The following XXYLT1 variants were observed in gnomAD, a reference collection of about 807,000 sequenced individuals.
XXYLT1 encodes UDP-xylose:alpha-xyloside alpha-1,3-xylosyltransferase.
Under a neutral mutation model 28.9 loss-of-function variants are expected in XXYLT1, and 20 were observed. The ratio of observed to expected loss-of-function variants is 0.69; its 90% confidence interval spans 0.49 to 1.00. The LOEUF (loss-of-function observed/expected upper bound fraction) is 1.00, where lower values mean the gene tolerates loss of function less well. Among genes scored for constraint, XXYLT1 ranks in the 50% least tolerant of loss-of-function variants. XXYLT1 has a pLI of 0.00. For synonymous variants in XXYLT1, 257 were observed against 253.8 expected (o/e 1.01, Z -0.12); for missense variants, 542 against 560.1 (o/e 0.97, Z 0.33).
intron 3 of XXYLT1, among the ~76,000 whole-genome samples, chr3:195,110,323 G>GTGTGTATATGT (rs561073733): frequency 5.9e-5 from 1 of 16,996 alleles, no homozygotes; most frequent in Non-Finnish European, 1.1e-4. Flanking sequence ...TGTGGGTGAG[G>GTGTGTATATGT]GTGAGGTGTG....
intron 3 of XXYLT1, among the ~76,000 whole-genome samples, chr3:195,112,405 CACGT>C (rs1290053843): frequency 3.3e-5 from 5 of 149,540 alleles, no homozygotes; most frequent in African/African-American, 9.8e-5. Flanking sequence ...TGCACGTGCG[CACGT>C]GCGCGCACAC....
chr3:195,143,863 TAGATATAGATA>T (rs1719674594), intron 3 of XXYLT1, among the ~76,000 whole-genome samples: 1 of 98,402 alleles, frequency 1.0e-5, no homozygotes, highest in African/African-American at 4.0e-5. Flanking sequence ...TAGATATATA[TAGATATAGATA>T]TATATATATA....
chr3:195,110,956 C>A lies in XXYLT1; in HGVS notation c.786-40845G>T, dbSNP rs539749017. Among the ~76,000 whole-genome samples, 4 of 140,858 alleles carry A rather than the reference C, an allele frequency of 2.8e-5. No individual in the cohort carries two copies. In the East Asian group the frequency reaches 8.9e-4, roughly 31 times the overall value. 92.4% of individuals were successfully genotyped at this position (140,858 alleles called of 152,430 possible). On this transcript the variant is annotated intron_variant, in intron 3 of 3. Transcript: ENST00000310380. Reference sequence around the variant, plus strand: ...TGAGGTATGTGTATGTGGGTGGGGGCAGGGTGATATTTATTTTCTAGGGCT... The same window carrying A: ...TGAGGTATGTGTATGTGGGTGGGGGAAGGGTGATATTTATTTTCTAGGGCT...
At chr3:195,262,500 C>T (rs1294512727) in intron 1 of XXYLT1, among the ~76,000 whole-genome samples, 2 of 151,756 alleles carry the variant, frequency 1.3e-5, no homozygotes, top group Non-Finnish European at 2.9e-5. Flanking sequence ...ATTTTTGTTG[C>T]AAAAAAAAAG....
chr3:195,233,578 T>A (rs1724394407), intron 1 of XXYLT1, among the ~76,000 whole-genome samples: 1 of 152,210 alleles, frequency 6.6e-6, no homozygotes, highest in Non-Finnish European at 1.5e-5. Flanking sequence ...TATTTTAAAC[T>A]GATGACAAAT....
chr3:195,177,801 G>A (rs1721743712), intron 2 of XXYLT1, among the ~76,000 whole-genome samples: 1 of 152,088 alleles, frequency 6.6e-6, no homozygotes, highest in Admixed American at 6.5e-5. Context: ...AAATTAGCTA[G>A]GCATGCGCCT....
At chr3:195,130,856 C>A (rs1241270527) in intron 3 of XXYLT1, among the ~76,000 whole-genome samples, 3 of 152,158 alleles carry the variant, frequency 2.0e-5, no homozygotes, top group Non-Finnish European at 4.4e-5. Context: ...AGCTTGAGGC[C>A]AGATCGGAAG....
intron 3 of XXYLT1, among the ~76,000 whole-genome samples, chr3:195,116,924 A>G (rs1718072367): frequency 6.6e-6 from 1 of 152,190 alleles, no homozygotes; most frequent in African/African-American, 2.4e-5. Flanking sequence ...ACCAGGGGTC[A>G]GAGAAATGAA....
chr3:195,152,493 C>G (rs922912058), intron 3 of XXYLT1: 1 of 152,530 alleles, frequency 6.6e-6, no homozygotes, highest in African/African-American at 2.4e-5. Context: ...TAATATCCCA[C>G]GATCCCTGTG....
chr3:195,102,346 T>G (rs1034959595), intron 3 of XXYLT1, among the ~76,000 whole-genome samples: 8 of 152,164 alleles, frequency 5.3e-5, no homozygotes, highest in African/African-American at 1.7e-4. Context: ...TTATGGATGA[T>G]AGCCCTCATG....
intron 2 of XXYLT1, among the ~76,000 whole-genome samples, chr3:195,224,537 T>C (rs1322860071): frequency 2.6e-5 from 4 of 152,190 alleles, no homozygotes; most frequent in African/African-American, 7.2e-5. Context: ...GGCTGTCCTA[T>C]AGCTGGAGGC....
chr3:195,206,553 G>A (rs2108772620), intron 2 of XXYLT1, among the ~76,000 whole-genome samples: 1 of 152,048 alleles, frequency 6.6e-6, no homozygotes, highest in Non-Finnish European at 1.5e-5. Context: ...AGGATCACTT[G>A]AGGTCAGGAG....
At chr3:195,166,347 T>C (rs73063106) in intron 2 of XXYLT1, among the ~76,000 whole-genome samples, 6,287 of 152,308 alleles carry the variant, frequency 0.041, 444 homozygotes, top group African/African-American at 0.14. Context: ...TAAAATACAA[T>C]GCACCAAACT....
At chr3:195,120,628 A>G (rs1718307229) in intron 3 of XXYLT1, among the ~76,000 whole-genome samples, 1 of 152,164 alleles carries the variant, frequency 6.6e-6, no homozygotes, top group African/African-American at 2.4e-5. Flanking sequence ...TAGCATTGCT[A>G]TTATCCCTGC....
chr3:195,262,534 T>C (rs1384506531), intron 1 of XXYLT1, among the ~76,000 whole-genome samples: 1 of 152,198 alleles, frequency 6.6e-6, no homozygotes, highest in East Asian at 1.9e-4. Context: ...TTTTAAAATA[T>C]GGCCTACAGG....
Position 195,173,841 on chromosome 3 carries a change from A to C in XXYLT1, c.653-17260T>G, listed in dbSNP as rs1721531041. 6.6e-6 allele frequency among the ~76,000 whole-genome samples: 1 copy of C among 152,234 alleles called. No homozygotes were observed. The highest frequency in any genetic ancestry group is 2.1e-4 in the South Asian group (1 of 4,836). On this transcript the variant is annotated intron_variant, in intron 2 of 3. Transcript: ENST00000310380. This position sits in a 1 kb window ranked among gnomAD's most constrained non-coding sequence, Gnocchi z 4.3. The stretch of plus-strand genomic sequence containing the variant: ...TCCCTCCTATGGGCCATGAGTGGCA[A>C]TGACCTCATTTCCCTGACAGGAATT...
At chr3:195,141,336 C>G (rs142440138) in intron 3 of XXYLT1, among the ~76,000 whole-genome samples, 4 of 152,190 alleles carry the variant, frequency 2.6e-5, no homozygotes, top group Admixed American at 6.5e-5. Context: ...CACTGTGTTA[C>G]GTGGCTCTGA....
At chr3:195,174,748 C>T (rs1721576821) in intron 2 of XXYLT1, among the ~76,000 whole-genome samples, 1 of 147,392 alleles carries the variant, frequency 6.8e-6, no homozygotes, top group South Asian at 2.2e-4. Flanking sequence ...CCTTGGCTGC[C>T]TCCTCCTCGT....
chr3:195,141,472 G>C (rs190054537), intron 3 of XXYLT1, among the ~76,000 whole-genome samples: 1 of 152,100 alleles, frequency 6.6e-6, no homozygotes, highest in Non-Finnish European at 1.5e-5. Context: ...ATAAGACCCC[G>C]TATATGACCT....
Sources: allele counts gnomAD v4.1 joint callset (sites outside exome capture counted in the v4.1 genomes callset), GRCh38; gene constraint gnomAD v4.1.1; non-coding constraint Gnocchi (gnomAD v3.1); transcripts MANE v1.5; gene names NCBI Gene and HGNC (gene_info 2026-07-23, HGNC 2026-07-21).